RBFOX1: variants seen among roughly 807,000 people sequenced by gnomAD.
RBFOX1 encodes the protein RNA binding fox-1 homolog 1, also known as RNA binding protein fox-1 homolog 1.
In RBFOX1, 8 loss-of-function variants were observed where a neutral mutation model predicts 57.7. The ratio of observed to expected loss-of-function variants is 0.14; its 90% CI spans 0.08 to 0.25. The LOEUF (loss-of-function observed/expected upper bound fraction) is 0.25, where lower values mean the gene tolerates loss of function less well. Ranked by LOEUF, RBFOX1 falls within the 10% of genes least tolerant of loss-of-function variation. The pLI is 1.00. For missense variants in RBFOX1, 611 were observed against 548.5 expected (o/e 1.11, Z -1.14); for synonymous variants, 326 against 222.4 (o/e 1.47, Z -4.15).
At chr16:6,992,443 C>G (rs1055930767) in intron 3 of RBFOX1, among the ~76,000 whole-genome samples, 2 of 152,102 alleles carry the variant, frequency 1.3e-5, no homozygotes, top group African/African-American at 2.4e-5. Context: ...GTCTTGAACT[C>G]TTGATCTCAC....
intron 2 of RBFOX1, among the ~76,000 whole-genome samples, chr16:6,508,742 T>G (rs546957195): frequency 5.9e-5 from 9 of 152,174 alleles, no homozygotes; most frequent in Non-Finnish European, 1.2e-4. Flanking sequence ...ATTCACAGGA[T>G]GAATTACTTG....
At chr16:5,746,229 G>T (rs1001446430) in intron 3 of RBFOX1, among the ~76,000 whole-genome samples, 3 of 152,182 alleles carry the variant, frequency 2.0e-5, no homozygotes, top group Admixed American at 6.5e-5. Flanking sequence ...TGTCAGGTTT[G>T]TCAAAGATCA....
intron 3 of RBFOX1, among the ~76,000 whole-genome samples, chr16:6,761,061 A>G (rs1040290810): frequency 2.0e-5 from 3 of 152,226 alleles, no homozygotes; most frequent in Non-Finnish European, 4.4e-5. Flanking sequence ...TTTTTGAATT[A>G]AATTACCTAT....
chr16:5,955,981 G>A (rs182306731), intron 4 of RBFOX1, among the ~76,000 whole-genome samples: 1 of 152,122 alleles, frequency 6.6e-6, no homozygotes, highest in Non-Finnish European at 1.5e-5. Context: ...AAATACATTG[G>A]CCATGCATGG....
rs76102784 is a variant in RBFOX1 at position 6,861,302 on chromosome 16, C to T, written c.-15-190755C>T. 2.8e-3 allele frequency among the ~76,000 whole-genome samples: 419 copies of T among 152,154 alleles called. 1 individual carries two copies. The highest frequency in any genetic ancestry group is 9.9e-3 in the African/African-American group (410 of 41,500). Reference sequence around the variant, plus strand: ...AAGGGTTTTATACAAAAACAAGGTCCCTTTCGAGTGCATTGTCTTGGTAAG... The same window carrying T: ...AAGGGTTTTATACAAAAACAAGGTCTCTTTCGAGTGCATTGTCTTGGTAAG... On this transcript the variant is annotated intron_variant, in intron 3 of 15. Transcript: ENST00000550418.
chr16:6,682,870 T>A (rs1283214344), intron 3 of RBFOX1, among the ~76,000 whole-genome samples: 25 of 115,726 alleles, frequency 2.2e-4, no homozygotes, highest in Non-Finnish European at 2.8e-4. Context: ...AGAAAAGAAT[T>A]AAAAAAAAAA....
chr16:6,931,900 T>C (rs1402890949), intron 3 of RBFOX1, among the ~76,000 whole-genome samples: 1 of 152,054 alleles, frequency 6.6e-6, no homozygotes, highest in African/African-American at 2.4e-5. Context: ...CAAGAGCGCA[T>C]GTGAGAGGGA....
chr16:7,241,950 C>A (rs147387998), intron 4 of RBFOX1, among the ~76,000 whole-genome samples: 15 of 152,032 alleles, frequency 9.9e-5, no homozygotes, highest in African/African-American at 3.6e-4. Flanking sequence ...TCTGCATATG[C>A]GTGTGTATAT....
At chr16:6,407,277 C>A (rs766143440) in intron 2 of RBFOX1, among the ~76,000 whole-genome samples, 5 of 151,870 alleles carry the variant, frequency 3.3e-5, no homozygotes, top group African/African-American at 4.8e-5. Context: ...TGCCTATGTC[C>A]AAGTCTATAT....
intron 4 of RBFOX1, among the ~76,000 whole-genome samples, chr16:5,896,767 G>A (rs1281079230): frequency 6.6e-6 from 1 of 152,138 alleles, no homozygotes; most frequent in East Asian, 1.9e-4. Context: ...GGAGATATGA[G>A]CTGTATCAGC....
At chr16:5,774,946 G>A (rs1201718761) in intron 3 of RBFOX1, among the ~76,000 whole-genome samples, 1 of 152,168 alleles carries the variant, frequency 6.6e-6, no homozygotes, top group Non-Finnish European at 1.5e-5. Flanking sequence ...GCCTCCCAAA[G>A]TGTTGAGATT....
chr16:6,704,128 C>T (rs890728994), intron 3 of RBFOX1: 2 of 152,188 alleles, frequency 1.3e-5, no homozygotes, highest in African/African-American at 4.8e-5. Context: ...TTCATTTCAC[C>T]TTCCTCCTAG....
chr16:6,272,625 G>C (rs2075328703), intron 1 of RBFOX1, among the ~76,000 whole-genome samples: 1 of 152,126 alleles, frequency 6.6e-6, no homozygotes, highest in African/African-American at 2.4e-5. Flanking sequence ...AATTTAAAAA[G>C]CTTAACAATT....
At chr16:6,360,213 A>T (rs558224980) in intron 2 of RBFOX1, among the ~76,000 whole-genome samples, 6 of 152,034 alleles carry the variant, frequency 3.9e-5, no homozygotes, top group African/African-American at 1.4e-4. Context: ...TGAATTTCTT[A>T]TACATCATTG....
At chr16:7,386,087 C>A (rs1466211701) in intron 4 of RBFOX1, among the ~76,000 whole-genome samples, 1 of 151,986 alleles carries the variant, frequency 6.6e-6, no homozygotes, top group Non-Finnish European at 1.5e-5. Context: ...CCATGCCCAG[C>A]CAGCTTTTAA....
chr16:5,265,851 A>G (rs1173442921), intron 1 of RBFOX1, among the ~76,000 whole-genome samples: 2 of 152,048 alleles, frequency 1.3e-5, no homozygotes, highest in African/African-American at 2.4e-5. Flanking sequence ...AGATGTGTGT[A>G]TCTGTGGGTG....
intron 1 of RBFOX1, among the ~76,000 whole-genome samples, chr16:6,168,592 A>G (rs1429991447): frequency 6.6e-6 from 1 of 152,172 alleles, no homozygotes; most frequent in Non-Finnish European, 1.5e-5. Context: ...ACAGATAATC[A>G]ATATTTTTAT....
intron 4 of RBFOX1, among the ~76,000 whole-genome samples, chr16:7,468,710 C>G (rs2150833595): frequency 6.6e-6 from 1 of 152,220 alleles, no homozygotes; most frequent in Admixed American, 6.5e-5. Flanking sequence ...GTTGTTTAAA[C>G]TGTGGCAGGA....
intron 1 of RBFOX1, among the ~76,000 whole-genome samples, chr16:6,110,234 C>G (rs1299100956): frequency 7.2e-6 from 1 of 138,050 alleles, no homozygotes; most frequent in South Asian, 2.2e-4. Flanking sequence ...TTTTAGCTCT[C>G]TGGTACCCTG....
Sources: allele counts gnomAD v4.1 joint callset (sites outside exome capture counted in the v4.1 genomes callset), GRCh38; gene constraint gnomAD v4.1.1; transcripts MANE v1.5; gene names NCBI Gene and HGNC (gene_info 2026-07-23, HGNC 2026-07-21).